Variants in RFX6 observed in about 807,000 individuals in gnomAD.
RFX6 encodes the protein DNA-binding protein RFX6.
A neutral mutation model predicts 110.8 loss-of-function variants in RFX6; 50 were observed. The observed-to-expected ratio is 0.45, with a 90% CI of 0.36 to 0.57. The LOEUF (loss-of-function observed/expected upper bound fraction) is 0.57, where lower values mean the gene tolerates loss of function less well. Ranked by LOEUF, RFX6 falls within the 20% of genes least tolerant of loss-of-function variation. The pLI is 0.00. For missense variants in RFX6, 990 were observed against 1,127.0 expected (o/e 0.88, Z 1.74); for synonymous variants, 383 against 411.2 (o/e 0.93, Z 0.83).
chr6:116,886,482 T>A (rs180846944), intron 4 of RFX6, among the ~76,000 whole-genome samples: 1 of 152,194 alleles, frequency 6.6e-6, no homozygotes, highest in Non-Finnish European at 1.5e-5. Flanking sequence ...CTGGTCCCTA[T>A]ATAAAACCCA....
At chr6:116,908,354 T>G (rs1412517859) in intron 6 of RFX6, among the ~76,000 whole-genome samples, 1 of 152,134 alleles carries the variant, frequency 6.6e-6, no homozygotes, top group Non-Finnish European at 1.5e-5. Context: ...TCAGCAACTT[T>G]GCTAAAAAAA....
At chr6:116,886,174 A>C (rs1436099841) in intron 4 of RFX6, among the ~76,000 whole-genome samples, 4 of 152,168 alleles carry the variant, frequency 2.6e-5, no homozygotes. Context: ...TTATTTAAAA[A>C]ATATAAATAA....
At chr6:116,916,471 G>A (rs984766880) in intron 9 of RFX6, among the ~76,000 whole-genome samples, 157 bp downstream of exon 9, 5 of 151,878 alleles carry the variant, frequency 3.3e-5, no homozygotes, top group Non-Finnish European at 7.4e-5. Context: ...AATAGTGCAC[G>A]TTTAATAGTG....
At position 116,906,184 on chromosome 6, in the gene RFX6, T is replaced by C. The variant is rs563488462; in HGVS notation, c.673-4751T>C. 5.9e-5 allele frequency among the ~76,000 whole-genome samples: 9 copies of C among 152,334 alleles called. No individual in the cohort carries two copies. In the South Asian group the frequency reaches 1.9e-3, roughly 32 times the overall value. ...CTATCAAAAATTATTTTACCATATA[T>C]GTGAGGATTTGTTACTGGCCTCTCT... On this transcript the variant is annotated intron_variant, in intron 6 of 18. Transcript: ENST00000332958.
At chr6:116,928,526 T>C (rs150400013) in intron 17 of RFX6, among the ~76,000 whole-genome samples, 68 of 152,328 alleles carry the variant, frequency 4.5e-4, no homozygotes, top group African/African-American at 1.5e-3. Context: ...ATAATTATTG[T>C]ATTAAATTAT....
Position 116,922,075 on chromosome 6 carries a change from A to T in RFX6, c.1361A>T (p.Asp454Val). The change falls in exon 13 of 19, where the codon GAT becomes GTT. Residue 454 changes from aspartate (D) to valine (V), a missense_variant. Asp to Val is a radical substitution (Grantham distance 152). This residue lies in a region of RFX6 where 45 missense variants were observed against 29.3 expected (regional missense o/e 1.53). Coordinates refer to ENST00000332958, the MANE Select transcript of RFX6 (RefSeq NM_173560.4). ...DSITVFQELKDLLKKNATVEA... is the reference protein window; with the variant it reads ...DSITVFQELKVLLKKNATVEA... Reference sequence around the variant, plus strand: ...ATCACTGTGTTCCAAGAACTGAAGGATCTCCTTAAGAAGAATGCCACTGTG... The same window carrying T: ...ATCACTGTGTTCCAAGAACTGAAGGTTCTCCTTAAGAAGAATGCCACTGTG... 1 of 1,546,222 alleles carries T rather than the reference A, an allele frequency of 6.5e-7. No homozygotes were observed. The highest frequency in any genetic ancestry group is 8.9e-7 in the Non-Finnish European group (1 of 1,121,818).
intron 13 of RFX6, 92 bp from the exon 14 acceptor site, chr6:116,923,015 T>C: frequency 1.3e-6 from 1 of 778,398 alleles, no homozygotes; most frequent in East Asian, 2.4e-5. Flanking sequence ...GTCCATTTGT[T>C]AGACAGTCTA....
rs765982634 is a variant in RFX6 at position 116,927,090 on chromosome 6, C to A, written c.1949C>A (p.Ala650Glu). The change falls in exon 17 of 19, where the codon GCA (alanine) becomes GAA (glutamate). Residue 650 changes from alanine (A) to glutamate (E), a missense_variant. By Grantham distance (107) the Ala-to-Glu change is moderately radical. Around this residue, in one of 5 missense-constraint regions of RFX6, gnomAD observed 438 missense variants for 441.9 expected, o/e 0.99. Coordinates refer to ENST00000332958, the MANE Select transcript of RFX6 (RefSeq NM_173560.4). ...LMTPPISPAM[A>E]SRGSVINQGP... is the part of the protein sequence containing the mutation. ...ACACCACCCATTTCTCCAGCCATGG[C>A]AAGCCGAGGAAGTGTCATTAACCAA... The A allele has an allele frequency of 6.2e-7, 1 of 1,613,982 alleles. No homozygotes were observed. The highest frequency in any genetic ancestry group is 1.1e-5 in the South Asian group (1 of 91,068).
At chr6:116,920,273 G>GA (rs1432412360) in intron 11 of RFX6, 37 bp from the exon 12 acceptor site, 1 of 1,547,432 alleles carries the variant, frequency 6.5e-7, no homozygotes, top group Non-Finnish European at 8.9e-7. Context: ...CATTAGAAAT[G>GA]ATATAGTGTA....
At chr6:116,886,609 TGTTA>T (rs1774704419) in intron 4 of RFX6, among the ~76,000 whole-genome samples, 1 of 152,222 alleles carries the variant, frequency 6.6e-6, no homozygotes, top group African/African-American at 2.4e-5. Flanking sequence ...AATAACTGGC[TGTTA>T]ATTACAGTAA....
At chr6:116,896,584 A>G (rs1386653288) in intron 6 of RFX6, among the ~76,000 whole-genome samples, 1 of 56,286 alleles carries the variant, frequency 1.8e-5, no homozygotes, top group African/African-American at 7.0e-5. Context: ...GTATGCCTGT[A>G]ATCCCAGCTA....
chr6:116,881,483 A>T (rs748699783), intron 3 of RFX6, among the ~76,000 whole-genome samples: 4 of 152,074 alleles, frequency 2.6e-5, no homozygotes, highest in African/African-American at 4.8e-5. Context: ...AATGTTATTT[A>T]TTTCAAAAAC....
Position 116,931,647 on chromosome 6 carries a change from G to A in RFX6, c.*141G>A, listed in dbSNP as rs2114708486. 7.7e-6 allele frequency: 5 copies of A among 653,282 alleles called. No homozygotes were observed. Among genetic ancestry groups the A allele is most frequent in the Admixed American group, 2.5e-5 (1 of 39,464 alleles). The allele number at this position is 653,282 out of a possible 1,614,324, so 40.5% of individuals were successfully genotyped here. A position where few individuals can be genotyped will look rare whatever the true frequency, so the allele number is the denominator to read the frequency against. On this transcript the variant is annotated 3_prime_UTR_variant, in exon 19 of 19. Transcript: ENST00000332958. ...TTGTTTTAAAGTCACTGGTACTATG[G>A]ACAACTCCATAGTGAATGGAGATAC...
At chr6:116,877,682 T>G in intron 1 of RFX6, 114 bp from the exon 2 acceptor site, 1 of 1,108,918 alleles carries the variant, frequency 9.0e-7, no homozygotes, top group Non-Finnish European at 1.3e-6. Flanking sequence ...CCCCCTTTCC[T>G]CCCCTCCGCC....
Position 116,931,622 on chromosome 6 carries a change from T to C in RFX6, c.*116T>C. 2 of 791,814 alleles carry C rather than the reference T, an allele frequency of 2.5e-6. No homozygotes were observed. Among genetic ancestry groups the C allele is most frequent in the South Asian group, 1.7e-5 (1 of 58,992 alleles). The allele number at this position is 791,814 out of a possible 1,614,324, so 49.0% of individuals were successfully genotyped here. On this transcript the variant is annotated 3_prime_UTR_variant, in exon 19 of 19. Coordinates refer to ENST00000332958, the MANE Select transcript of RFX6 (RefSeq NM_173560.4). ...AAAAATGAATATGCAGTGGCTGACA[T>C]TGTTTTAAAGTCACTGGTACTATGG...
intron 4 of RFX6, among the ~76,000 whole-genome samples, chr6:116,882,752 A>G (rs932772377): frequency 6.6e-6 from 1 of 152,148 alleles, no homozygotes; most frequent in African/African-American, 2.4e-5. Context: ...GGCCCAAACC[A>G]GGGGGTAAAG....
intron 4 of RFX6, among the ~76,000 whole-genome samples, chr6:116,892,116 ACT>A (rs1221959047): frequency 2.0e-5 from 3 of 151,820 alleles, no homozygotes; most frequent in Non-Finnish European, 4.4e-5. Context: ...AAATATGACA[ACT>A]CTTTCTGAAA....
At chr6:116,907,942 T>A (rs931705582) in intron 6 of RFX6, among the ~76,000 whole-genome samples, 13 of 152,140 alleles carry the variant, frequency 8.5e-5, no homozygotes, top group Non-Finnish European at 1.9e-4. Context: ...TGTTATTAGG[T>A]ACATGTACAT....
intron 4 of RFX6, among the ~76,000 whole-genome samples, chr6:116,890,906 TATA>T: frequency 6.6e-6 from 1 of 152,190 alleles, no homozygotes; most frequent in East Asian, 1.9e-4. Flanking sequence ...GGCCAAATAA[TATA>T]ATCATTTATA....
Sources: gnomAD v4.1 joint callset for allele counts (sites outside exome capture counted in the v4.1 genomes callset) on GRCh38, gnomAD v4.1.1 for gene constraint, gnomAD v4.1.1 regional missense constraint, MANE v1.5 for transcripts, NCBI Gene and HGNC (gene_info 2026-07-23, HGNC 2026-07-21) for gene names.